The following HADH variants were observed in gnomAD, a reference collection of about 807,000 sequenced individuals.
HADH encodes hydroxyacyl-coenzyme A dehydrogenase, mitochondrial.
Under a neutral mutation model 32.2 loss-of-function variants are expected in HADH, and 24 were observed. That is an observed-to-expected ratio of 0.75 (90% CI 0.54 to 1.05). HADH has a LOEUF of 1.05. HADH is among the 50% of genes least tolerant of loss of function. The pLI is 0.00. For synonymous variants in HADH, 139 were observed against 152.5 expected (o/e 0.91, Z 0.65); for missense variants, 350 against 397.1 (o/e 0.88, Z 1.01).
intron 4 of HADH, among the ~76,000 whole-genome samples, chr4:108,020,263 G>A (rs1460436214): frequency 6.6e-6 from 1 of 152,096 alleles, no homozygotes; most frequent in Non-Finnish European, 1.5e-5. Context: ...TGAGACCCAG[G>A]GGTTCAAGAA....
At chr4:108,030,330 C>T (rs1357362132) in intron 6 of HADH, 5 of 152,630 alleles carry the variant, frequency 3.3e-5, no homozygotes, top group African/African-American at 1.2e-4. Flanking sequence ...CCTTGGGTCA[C>T]TTGTCACTGT....
chr4:107,998,885 C>T (rs1735032603), intron 1 of HADH, among the ~76,000 whole-genome samples: 1 of 152,078 alleles, frequency 6.6e-6, no homozygotes, highest in African/African-American at 2.4e-5. Context: ...ACATATTGGT[C>T]TTCAATATGC....
intron 7 of HADH, 82 bp from the exon 8 acceptor site, chr4:108,034,157 C>T: frequency 1.0e-6 from 1 of 969,380 alleles, no homozygotes; most frequent in Non-Finnish European, 1.7e-6. Flanking sequence ...AGAGGCAGGC[C>T]TCCAGACTTG....
At chr4:108,014,111 C>CA in intron 2 of HADH, among the ~76,000 whole-genome samples, 1 of 152,306 alleles carries the variant, frequency 6.6e-6, no homozygotes, top group South Asian at 2.1e-4. Flanking sequence ...TCGGAAACAA[C>CA]AGTTTCAGGC....
At position 107,989,960 on chromosome 4, in the gene HADH, C is replaced by T. The variant is rs1466918215; in HGVS notation, c.28C>T (p.Arg10Cys). Reference protein sequence around the residue: MAFVTRQFMRSVSSSSTASA... With the variant: MAFVTRQFMCSVSSSSTASA... ...GGCCTTCGTCACCAGGCAGTTCATGCGTTCCGTGTCCTCCTCGTCCACCGC... is the reference window on the plus strand; with the variant it reads ...GGCCTTCGTCACCAGGCAGTTCATGTGTTCCGTGTCCTCCTCGTCCACCGC... The change falls in exon 1 of 8, where the codon CGT becomes TGT. Residue 10 changes from arginine (R) to cysteine (C), a missense_variant. Physicochemically the swap from Arg to Cys is radical, Grantham distance 180. Coordinates refer to ENST00000309522, the MANE Select transcript of HADH (RefSeq NM_005327.7). 6.8e-6 allele frequency: 11 copies of T among 1,612,964 alleles called. No individual in the cohort carries two copies. The highest frequency in any genetic ancestry group is 9.3e-6 in the Non-Finnish European group (11 of 1,179,608).
intron 7 of HADH, 88 bp downstream of exon 7, chr4:108,033,380 G>T: frequency 1.3e-6 from 1 of 794,878 alleles, no homozygotes; most frequent in Non-Finnish European, 2.3e-6. Context: ...AGTTAGCAGG[G>T]GTCTTAATAA....
rs559972772 is a variant in HADH, at chr4:108,014,443, T to A, written c.274T>A (p.Phe92Ile). ...CCCACTGCATTAGGCCGGCGATGAATTTGTGGAGAAGACCCTGAGCACCAT... is the reference window on the plus strand; with the variant it reads ...CCCACTGCATTAGGCCGGCGATGAAATTGTGGAGAAGACCCTGAGCACCAT... The part of the protein sequence containing the change: ...FAENLKAGDE[F>I]VEKTLSTIAT... The change falls in exon 3 of 8, where the codon TTT becomes ATT. Residue 92 changes from phenylalanine (F) to isoleucine (I), a missense_variant. Physicochemically the swap from Phe to Ile is conservative, Grantham distance 21. Transcript: ENST00000309522. 1.2e-6 allele frequency: 2 copies of A among 1,614,068 alleles called. No individual in the cohort carries two copies. The highest frequency in any genetic ancestry group is 4.5e-5 in the East Asian group (2 of 44,876).
intron 1 of HADH, among the ~76,000 whole-genome samples, chr4:107,994,362 A>G (rs1734896986): frequency 1.3e-5 from 2 of 152,144 alleles, no homozygotes; most frequent in South Asian, 2.1e-4. Context: ...GTGTGACTCT[A>G]CCATGCTTGA....
intron 4 of HADH, 50 bp from the exon 5 acceptor site, chr4:108,023,424 G>T: frequency 1.9e-6 from 2 of 1,071,288 alleles, no homozygotes; most frequent in Non-Finnish European, 2.9e-6. Flanking sequence ...CCATTCTACC[G>T]AAGTTGCTTG....
chr4:108,029,022 A>G, intron 6 of HADH: 1 of 397,580 alleles, frequency 2.5e-6, no homozygotes, highest in Non-Finnish European at 4.4e-6. Context: ...CATGGGCTTC[A>G]ACAGCCTATC....
chr4:108,025,581 T>C (rs917301755), intron 5 of HADH: 2 of 152,184 alleles, frequency 1.3e-5, no homozygotes, highest in Non-Finnish European at 2.9e-5. Context: ...TAAAATAAAA[T>C]TACTTTATTT....
At chr4:107,992,837 C>G (rs972160879) in intron 1 of HADH, among the ~76,000 whole-genome samples, 2 of 152,088 alleles carry the variant, frequency 1.3e-5, no homozygotes, top group African/African-American at 4.8e-5. Flanking sequence ...ATCTTCGGCC[C>G]GGCATGGTGG....
In HADH at chr4:108,023,499, A is replaced by G. The variant is rs1346164738; in HGVS notation, c.572A>G (p.Gln191Arg). The change falls in exon 5 of 8, where the codon CAG (glutamine) becomes CGG (arginine). Residue 191 changes from glutamine (Q) to arginine (R), a missense_variant. Transcript: ENST00000309522. ...GTCATTAAAACACCAATGACCAGCCAGAAGACATTTGAATCTTTGGTAGAC... is the reference window on the plus strand; with the variant it reads ...GTCATTAAAACACCAATGACCAGCCGGAAGACATTTGAATCTTTGGTAGAC... The part of the protein sequence containing the change: ...VEVIKTPMTS[Q>R]KTFESLVDFS... 2 of 1,612,024 alleles carry G rather than the reference A, an allele frequency of 1.2e-6. No individual in the cohort carries two copies. The highest frequency in any genetic ancestry group is 1.7e-6 in the Non-Finnish European group (2 of 1,178,196).
At chr4:108,009,975 T>G in intron 2 of HADH, 88 bp downstream of exon 2, 1 of 827,808 alleles carries the variant, frequency 1.2e-6, no homozygotes, top group Non-Finnish European at 1.9e-6. Context: ...CTTTCTTTCT[T>G]TCTTTTTTTT....
intron 1 of HADH, among the ~76,000 whole-genome samples, chr4:107,991,178 C>T (rs1222303971): frequency 6.6e-6 from 1 of 151,666 alleles, no homozygotes. Context: ...AAAATTATTC[C>T]ATTTCAGCTC....
At chr4:108,004,875 G>T in intron 1 of HADH, 1 of 1,536,000 alleles carries the variant, frequency 6.5e-7, no homozygotes, top group Middle Eastern at 1.7e-4. Flanking sequence ...GGAGAGCTGA[G>T]CTTGGAGGCT....
Position 108,019,654 on chromosome 4 carries a change from GA to G in HADH, c.537del (p.Lys179AsnfsTer10), listed in dbSNP as rs1192920957. ...ATTTCTTCAACCCAGTGCCTGTCAT[GA>G]AACTTGTGGAGGTCAGTGGGTGTCA... ...LHFFNPVPVMKLVEVIKTPMT... is the reference protein window; with the variant it reads ...LHFFNPVPVMXLVEVIKTPMT... On this transcript the variant is annotated frameshift_variant, in exon 4 of 8. Transcript: ENST00000309522. LOFTEE classifies it high-confidence loss of function. 6.2e-7 allele frequency: 1 copy of G among 1,614,148 alleles called. No individual in the cohort carries two copies. Among genetic ancestry groups the G allele is most frequent in the Admixed American group, 1.7e-5 (1 of 60,020 alleles).
intron 2 of HADH, among the ~76,000 whole-genome samples, chr4:108,012,541 G>A (rs1017038942): frequency 6.6e-6 from 1 of 152,140 alleles, no homozygotes; most frequent in Non-Finnish European, 1.5e-5. Flanking sequence ...ACATTCAAAT[G>A]TATTTGTCTT....
intron 4 of HADH, among the ~76,000 whole-genome samples, chr4:108,022,267 TAA>T (rs751991175): frequency 5.1e-5 from 2 of 39,100 alleles, no homozygotes; most frequent in Non-Finnish European, 1.4e-4. Flanking sequence ...CTCTCCTGTT[TAA>T]AAATATATAT....
Sources: allele counts gnomAD v4.1 joint callset (sites outside exome capture counted in the v4.1 genomes callset), GRCh38; gene constraint gnomAD v4.1.1; transcripts MANE v1.5; gene names NCBI Gene and HGNC (gene_info 2026-07-23, HGNC 2026-07-21).